NCAM1: variants seen among roughly 807,000 people sequenced by gnomAD.
NCAM1 encodes the protein neural cell adhesion molecule 1, also known as antigen recognized by monoclonal antibody 5.1H11.
A neutral mutation model predicts 109.8 loss-of-function variants in NCAM1; 14 were observed. That is an observed-to-expected ratio of 0.13 (90% CI 0.08 to 0.20). NCAM1 has a LOEUF of 0.20. Among genes scored for constraint, NCAM1 ranks in the 10% least tolerant of loss-of-function variants. NCAM1 has a pLI of 1.00. For synonymous variants in NCAM1, 418 were observed against 442.9 expected, an observed-to-expected ratio of 0.94 and a Z score of 0.70; for missense variants, 774 against 1,109.9, an observed-to-expected ratio of 0.70 and a Z score of 4.30.
chr11:113,224,924 C>A (rs1944796248), intron 9 of NCAM1, among the ~76,000 whole-genome samples: 1 of 152,174 alleles, frequency 6.6e-6, no homozygotes, highest in African/African-American at 2.4e-5. Context: ...ACACCAAAAC[C>A]CCATCTGCAT....
intron 1 of NCAM1, among the ~76,000 whole-genome samples, chr11:113,086,334 A>G (rs1208003194): frequency 2.6e-5 from 4 of 152,170 alleles, no homozygotes; most frequent in African/African-American, 9.7e-5. Context: ...TTTGGTGAAC[A>G]TTTTTTGGTG....
At chr11:113,023,545 T>G (rs547437553) in intron 1 of NCAM1, among the ~76,000 whole-genome samples, 21 of 152,280 alleles carry the variant, frequency 1.4e-4, no homozygotes, top group African/African-American at 4.1e-4. Context: ...ATTGAAGGAC[T>G]TGGGAAGTAT....
intron 18 of NCAM1, among the ~76,000 whole-genome samples, chr11:113,270,956 G>A (rs1203450145): frequency 3.3e-5 from 5 of 152,132 alleles, no homozygotes; most frequent in South Asian, 2.1e-4. Context: ...AAGAGCCTTC[G>A]AAGACTGTCA....
chr11:113,062,917 A>C (rs1274585844), intron 1 of NCAM1, among the ~76,000 whole-genome samples: 3 of 152,136 alleles, frequency 2.0e-5, no homozygotes, highest in Non-Finnish European at 4.4e-5. Context: ...GCAGTGAGCC[A>C]TGATCATACC....
At chr11:113,051,170 A>C (rs1953472648) in intron 1 of NCAM1, among the ~76,000 whole-genome samples, 1 of 152,234 alleles carries the variant, frequency 6.6e-6, no homozygotes, top group Non-Finnish European at 1.5e-5. Context: ...AGGTAGCTTC[A>C]GTGACCCAGA....
intron 14 of NCAM1, among the ~76,000 whole-genome samples, chr11:113,236,634 T>C (rs1341667587): frequency 1.3e-5 from 2 of 152,216 alleles, no homozygotes; most frequent in Non-Finnish European, 2.9e-5. Context: ...GGTGGAAGTC[T>C]GCAGATGGGC....
intron 1 of NCAM1, among the ~76,000 whole-genome samples, chr11:113,075,250 G>A (rs1938477230): frequency 6.6e-6 from 1 of 151,900 alleles, no homozygotes. Context: ...ATAAATTTTT[G>A]TAGAGATGGG....
rs916680384 is a variant in NCAM1 at position 112,963,741 on chromosome 11, G to T, written c.52+2077G>T. On this transcript the variant is annotated intron_variant, in intron 1 of 19. Coordinates refer to ENST00000316851, the MANE Select transcript of NCAM1 (RefSeq NM_181351.5). This position sits in a 1 kb window ranked among gnomAD's most constrained non-coding sequence, Gnocchi z 4.6. ...CGGATATTTGGTGGGCCTTTTGGGG[G>T]ATCGCCTGGCGGTCCTTTCCATCAT... Among the ~76,000 whole-genome samples the T allele has an allele frequency of 5.3e-5, 8 of 152,246 alleles. No homozygotes were observed. The highest frequency in any genetic ancestry group is 1.9e-4 in the African/African-American group (8 of 41,468).
At position 113,273,637 on chromosome 11, in the gene NCAM1, T is replaced by A. The variant is rs1420421525; in HGVS notation, c.2457-1630T>A. 2.2e-6 allele frequency: 1 copy of A among 454,958 alleles called. No homozygotes were observed. The highest frequency in any genetic ancestry group is 4.4e-6 in the Non-Finnish European group (1 of 225,894). 28.2% of individuals were successfully genotyped at this position (454,958 alleles called of 1,614,324 possible). A position where few individuals can be genotyped will look rare whatever the true frequency, so the allele number is the denominator to read the frequency against. On this transcript the variant is annotated intron_variant, in intron 19 of 19. Transcript: ENST00000316851. This position sits in a 1 kb window ranked among gnomAD's most constrained non-coding sequence, Gnocchi z 6.0. ...CCAGATATTGACCTTGCAAAGGATG[T>A]TTTTGCAGCCCTGGGCTCTCCTGCT...
chr11:113,072,014 G>A (rs1555085355), intron 1 of NCAM1, among the ~76,000 whole-genome samples: 1 of 152,084 alleles, frequency 6.6e-6, no homozygotes, highest in African/African-American at 2.4e-5. Flanking sequence ...GTATGGTGGT[G>A]CATGCCTGTA....
intron 1 of NCAM1, among the ~76,000 whole-genome samples, chr11:112,966,482 A>G (rs782499132): frequency 6.6e-6 from 1 of 152,214 alleles, no homozygotes; most frequent in Non-Finnish European, 1.5e-5. Context: ...ATTGTAGTGA[A>G]ACTATTTTTA....
At chr11:113,270,131 G>T in intron 17 of NCAM1, 57 bp from the exon 18 acceptor site, 4 of 1,563,278 alleles carry the variant, frequency 2.6e-6, no homozygotes, top group Non-Finnish European at 3.5e-6. Context: ...TGCTGGCAGG[G>T]TCTGGAGGTC....
chr11:112,985,406 A>AT (rs1354599422), intron 1 of NCAM1, among the ~76,000 whole-genome samples: 1 of 151,496 alleles, frequency 6.6e-6, no homozygotes, highest in South Asian at 2.1e-4. Context: ...GAATTTTAAG[A>AT]TTTTTTTCTT....
At chr11:113,036,277 C>T (rs1432038777) in intron 1 of NCAM1, among the ~76,000 whole-genome samples, 2 of 152,152 alleles carry the variant, frequency 1.3e-5, no homozygotes, top group East Asian at 1.9e-4. Context: ...CCTTATTACC[C>T]TCTCTTCCCA....
chr11:113,169,038 G>C (rs1197057345), intron 1 of NCAM1, among the ~76,000 whole-genome samples: 4 of 34,478 alleles, frequency 1.2e-4, no homozygotes, highest in Middle Eastern at 0.02. Flanking sequence ...TCCTCTTTCT[G>C]TGTGTGTGTG....
At chr11:113,116,944 G>A (rs1940739635) in intron 1 of NCAM1, among the ~76,000 whole-genome samples, 1 of 151,874 alleles carries the variant, frequency 6.6e-6, no homozygotes, top group African/African-American at 2.4e-5. Flanking sequence ...AAGATTAAAT[G>A]TTCTGTAGTT....
In NCAM1 at chr11:113,232,824, C is replaced by T. The variant is rs890690422; in HGVS notation, c.1522+10C>T. Reference sequence around the variant, plus strand: ...ATCCTTGTTCAAGCAGGTGAGTGTCCCTTACTCACCTGAGAGCAGCTGCCA... The same window carrying T: ...ATCCTTGTTCAAGCAGGTGAGTGTCTCTTACTCACCTGAGAGCAGCTGCCA... On this transcript the variant is annotated intron_variant, in intron 12 of 19. Transcript: ENST00000316851. The T allele has an allele frequency of 6.2e-7, 1 of 1,602,714 alleles. No homozygotes were observed. Among genetic ancestry groups the T allele is most frequent in the African/African-American group, 1.3e-5 (1 of 74,644 alleles).
intron 1 of NCAM1, among the ~76,000 whole-genome samples, chr11:112,998,085 T>A (rs186665633): frequency 6.6e-6 from 1 of 152,286 alleles, no homozygotes; most frequent in East Asian, 1.9e-4. Context: ...ATGCTAGGGT[T>A]GAAAAGGACT....
Position 113,209,531 on chromosome 11 carries a change from G to A in NCAM1, c.916+1529G>A, listed in dbSNP as rs529521513. ...ATTAATCCCTTCATTTAATAAATAC[G>A]TATGGATCACCATTGTTGCTGGACA... On this transcript the variant is annotated intron_variant, in intron 7 of 19. Coordinates refer to ENST00000316851, the MANE Select transcript of NCAM1 (RefSeq NM_181351.5). 3.2e-4 allele frequency among the ~76,000 whole-genome samples: 49 copies of A among 152,280 alleles called. 1 individual carries two copies. Among genetic ancestry groups the A allele is most frequent in the Admixed American group, 2.5e-3 (38 of 15,302 alleles).
Sources: allele counts gnomAD v4.1 joint callset (sites outside exome capture counted in the v4.1 genomes callset), GRCh38; gene constraint gnomAD v4.1.1; non-coding constraint Gnocchi (gnomAD v3.1); transcripts MANE v1.5; gene names NCBI Gene and HGNC (gene_info 2026-07-23, HGNC 2026-07-21).